Variants in TCF12 observed in about 807,000 individuals in gnomAD.
The protein encoded by TCF12 is DNA-binding protein HTF4.
In TCF12, 45 loss-of-function variants were observed where a neutral mutation model predicts 86.0. The ratio of observed to expected loss-of-function variants is 0.52; its 90% CI spans 0.41 to 0.67. TCF12 has a LOEUF of 0.67. Ranked by LOEUF, TCF12 falls within the 30% of genes least tolerant of loss-of-function variation. The pLI is 0.00. For synonymous variants in TCF12, 330 were observed against 299.6 expected, an observed-to-expected ratio of 1.10 and a Z score of -1.05; for missense variants, 881 against 859.9, an observed-to-expected ratio of 1.02 and a Z score of -0.31.
At chr15:57,192,071 T>C in intron 6 of TCF12, 87 bp from the exon 7 acceptor site, 1 of 1,484,302 alleles carries the variant, frequency 6.7e-7, no homozygotes, top group Non-Finnish European at 9.2e-7. Context: ...ATTGCTGAAG[T>C]TGTAAATAAT....
In TCF12 at chr15:57,232,834, C is replaced by T; in HGVS notation, c.948C>T (p.Ile316=). Residue 316 remains isoleucine (I), a synonymous_variant, in exon 11 of 21, where the codon ATC becomes ATT. Transcript: ENST00000333725. ...PYVAASHTPP[I]NGSDSILGTR... ...TTGCTGCCTCACACACTCCTCCCATCAATGGATCAGACAGCATTCTAGGTG... is the reference window on the plus strand; with the variant it reads ...TTGCTGCCTCACACACTCCTCCCATTAATGGATCAGACAGCATTCTAGGTG... 2.5e-6 allele frequency: 4 copies of T among 1,604,906 alleles called. No individual in the cohort carries two copies. The highest frequency in any genetic ancestry group is 3.4e-6 in the Non-Finnish European group (4 of 1,175,650).
At chr15:57,198,407 T>C (rs10518898) in intron 8 of TCF12, among the ~76,000 whole-genome samples, 7,692 of 152,196 alleles carry the variant, frequency 0.051, 542 homozygotes, top group African/African-American at 0.16. Flanking sequence ...GCAACTAGTT[T>C]GTTGATCCCT....
chr15:56,965,623 T>A (rs1279147663), intron 3 of TCF12, among the ~76,000 whole-genome samples: 2 of 152,166 alleles, frequency 1.3e-5, no homozygotes, highest in African/African-American at 4.8e-5. Flanking sequence ...ATAGTTAAAA[T>A]ACAGAATTAA....
chr15:57,054,772 G>GTT (rs2067874270), intron 3 of TCF12, among the ~76,000 whole-genome samples: 1 of 44,780 alleles, frequency 2.2e-5, no homozygotes, highest in Non-Finnish European at 4.4e-5. Context: ...CAATGCCTCT[G>GTT]CTTTTTTTTT....
chr15:56,936,462 G>T (rs571454711), intron 3 of TCF12, among the ~76,000 whole-genome samples: 1 of 152,216 alleles, frequency 6.6e-6, no homozygotes, highest in Admixed American at 6.5e-5. Context: ...TTCTTTTGCT[G>T]TGCAGAAGCT....
chr15:57,002,080 T>C (rs1168166186), intron 3 of TCF12, among the ~76,000 whole-genome samples: 1 of 152,214 alleles, frequency 6.6e-6, no homozygotes, highest in Non-Finnish European at 1.5e-5. Context: ...TAGTTTTCAT[T>C]GTCCATGTTC....
At position 57,067,850 on chromosome 15, in the gene TCF12, G is replaced by A. The variant is rs796914249; in HGVS notation, c.222+4027G>A. 4.6e-5 allele frequency among the ~76,000 whole-genome samples: 7 copies of A among 152,284 alleles called. 1 individual carries two copies. The highest frequency in any genetic ancestry group is 1.7e-4 in the African/African-American group (7 of 41,562). On this transcript the variant is annotated intron_variant, in intron 4 of 20. Transcript: ENST00000333725. ...GTGGTGATAAAGGTAAAGCACCTGA[G>A]ACTGAAAGGAGTGATTAAAATCTCA...
intron 4 of TCF12, among the ~76,000 whole-genome samples, chr15:57,075,796 T>TCTCTCTCTCTCTCTCTCTCTC (rs1567370337): frequency 3.8e-5 from 1 of 26,076 alleles, no homozygotes; most frequent in Non-Finnish European, 8.0e-5. Context: ...CTTTCTTTCT[T>TCTCTCTCTCTCTCTCTCTCTC]TCTTTCTTTC....
At chr15:56,955,161 T>A (rs2061451339) in intron 3 of TCF12, among the ~76,000 whole-genome samples, 1 of 152,184 alleles carries the variant, frequency 6.6e-6, no homozygotes, top group Admixed American at 6.5e-5. Context: ...CAGATGTCCA[T>A]CAATGATAGA....
chr15:57,123,941 C>G (rs1473772654), intron 5 of TCF12, among the ~76,000 whole-genome samples: 1 of 136,492 alleles, frequency 7.3e-6, no homozygotes, highest in Non-Finnish European at 1.6e-5. Flanking sequence ...TGCACTCCAG[C>G]CTGGGCGACA....
intron 5 of TCF12, among the ~76,000 whole-genome samples, chr15:57,098,022 A>C (rs2049455739): frequency 6.7e-6 from 1 of 149,230 alleles, no homozygotes; most frequent in African/African-American, 2.4e-5. Context: ...AAAAAAAAAA[A>C]AAAAAAAAAA....
intron 3 of TCF12, among the ~76,000 whole-genome samples, chr15:56,984,926 A>C (rs1198651429): frequency 1.3e-5 from 2 of 152,210 alleles, no homozygotes; most frequent in Admixed American, 6.5e-5. Context: ...CGTGAAAAAT[A>C]CTGAGGCTGT....
chr15:57,070,923 A>G (rs2069320601), intron 4 of TCF12, among the ~76,000 whole-genome samples: 2 of 152,140 alleles, frequency 1.3e-5, no homozygotes, highest in African/African-American at 4.8e-5. Context: ...TCCTTCCTCC[A>G]ACAGAGTCCA....
At chr15:57,160,288 C>T (rs1395423846) in intron 5 of TCF12, among the ~76,000 whole-genome samples, 3 of 152,172 alleles carry the variant, frequency 2.0e-5, no homozygotes, top group Non-Finnish European at 4.4e-5. Flanking sequence ...ACACATCCTT[C>T]TTCACGTGGT....
chr15:56,971,143 G>T (rs1207794706), intron 3 of TCF12, among the ~76,000 whole-genome samples: 1 of 152,136 alleles, frequency 6.6e-6, no homozygotes, highest in Non-Finnish European at 1.5e-5. Flanking sequence ...TAGAGGGTGG[G>T]CTGGGAGCCT....
intron 3 of TCF12, among the ~76,000 whole-genome samples, chr15:56,933,721 G>A (rs2060346819): frequency 6.6e-6 from 1 of 152,038 alleles, no homozygotes; most frequent in Admixed American, 6.6e-5. Context: ...TAGTTATTAG[G>A]TGGCATAGCA....
intron 8 of TCF12, among the ~76,000 whole-genome samples, chr15:57,222,594 A>T (rs2058649715): frequency 6.6e-6 from 1 of 151,736 alleles, no homozygotes; most frequent in Non-Finnish European, 1.5e-5. Flanking sequence ...AAATATAAAA[A>T]ATAGTAGAGA....
At chr15:57,251,482 C>T in intron 14 of TCF12, 59 bp downstream of exon 14, 8 of 1,519,718 alleles carry the variant, frequency 5.3e-6, no homozygotes, top group Non-Finnish European at 6.4e-6. Flanking sequence ...TGTTTTTGGT[C>T]AATCTGGCAT....
rs553921736 is a variant in TCF12 at position 57,162,145 on chromosome 15, G to T, written c.326-4257G>T. On this transcript the variant is annotated intron_variant, in intron 5 of 20. Coordinates refer to ENST00000333725, the MANE Select transcript of TCF12 (RefSeq NM_207037.2). ...TTCATAGGTGCTTCAAGGAAAATTA[G>T]ATATATGTTACATTACTAGTAGTTC... 2.8e-4 allele frequency among the ~76,000 whole-genome samples: 42 copies of T among 151,918 alleles called. 1 individual carries two copies. The South Asian group carries it at 3.5e-3, about 13-fold the overall frequency.
Sources: allele counts gnomAD v4.1 joint callset (sites outside exome capture counted in the v4.1 genomes callset), GRCh38; gene constraint gnomAD v4.1.1; transcripts MANE v1.5; gene names NCBI Gene and HGNC (gene_info 2026-07-23, HGNC 2026-07-21).